ANK1: variants seen among roughly 807,000 people sequenced by gnomAD.
ANK1 encodes the protein ankyrin-1.
Under a neutral mutation model 210.4 loss-of-function variants are expected in ANK1, and 51 were observed. The observed-to-expected ratio is 0.24, with a 90% CI of 0.19 to 0.31. The LOEUF (loss-of-function observed/expected upper bound fraction) is 0.31, where lower values mean the gene tolerates loss of function less well. Among genes scored for constraint, ANK1 ranks in the 10% least tolerant of loss-of-function variants. ANK1 has a pLI of 1.00. For synonymous variants in ANK1, 967 were observed against 1,025.9 expected (o/e 0.94, Z 1.10); for missense variants, 2,051 against 2,504.4 (o/e 0.82, Z 3.86).
chr8:41,802,455 T>C (rs2150777169), upstream of ANK1, among the ~76,000 whole-genome samples: 1 of 152,270 alleles, frequency 6.6e-6, no homozygotes, highest in Middle Eastern at 3.4e-3. Flanking sequence ...GTTTATTAAG[T>C]CTCCACATGC....
intron 2 of ANK1, among the ~76,000 whole-genome samples, chr8:41,751,720 C>T (rs986762133): frequency 1.3e-5 from 2 of 152,146 alleles, no homozygotes; most frequent in African/African-American, 2.4e-5. Flanking sequence ...TCCCACCTGG[C>T]CCCCGCACCA....
intron 1 of ANK1, among the ~76,000 whole-genome samples, chr8:41,825,816 C>T (rs1163729883): frequency 6.6e-6 from 1 of 152,126 alleles, no homozygotes; most frequent in Non-Finnish European, 1.5e-5. Flanking sequence ...TCTGATGGTT[C>T]TATAAAGGGG....
At chr8:41,769,416 A>T (rs1384401298) in intron 1 of ANK1, among the ~76,000 whole-genome samples, 1 of 152,236 alleles carries the variant, frequency 6.6e-6, no homozygotes, top group African/African-American at 2.4e-5. Flanking sequence ...TCCAATTAAT[A>T]AATGATGGTT....
chr8:41,816,866 G>C (rs2150786676), intron 1 of ANK1, among the ~76,000 whole-genome samples: 1 of 152,326 alleles, frequency 6.6e-6, no homozygotes, highest in Non-Finnish European at 1.5e-5. Context: ...CTTATCCAGA[G>C]ATAGAAAATA....
At chr8:41,761,390 T>TATGTTCACACACAC (rs1840420642) in intron 1 of ANK1, among the ~76,000 whole-genome samples, 1 of 138,480 alleles carries the variant, frequency 7.2e-6, no homozygotes, top group Admixed American at 7.4e-5. Context: ...CACACACACA[T>TATGTTCACACACAC]GTTCACACAC....
chr8:41,671,160 C>T (rs569982263), intron 38 of ANK1, among the ~76,000 whole-genome samples: 4 of 152,300 alleles, frequency 2.6e-5, no homozygotes, highest in Admixed American at 1.3e-4. Flanking sequence ...TTTTCTGCTG[C>T]GGCACAGGGC....
At chr8:41,725,272 C>T (rs1226424771) in intron 6 of ANK1, among the ~76,000 whole-genome samples, 1 of 152,218 alleles carries the variant, frequency 6.6e-6, no homozygotes, top group Non-Finnish European at 1.5e-5. Flanking sequence ...AAATCCATTT[C>T]CACTAAAAGA....
At chr8:41,660,126 T>TG (rs1198354847) in intron 42 of ANK1, among the ~76,000 whole-genome samples, 1 of 152,072 alleles carries the variant, frequency 6.6e-6, no homozygotes, top group African/African-American at 2.4e-5. Flanking sequence ...AGCAGCCTAG[T>TG]GGGACCCCTG....
At chr8:41,872,198 G>A (rs1472775395) in intron 1 of ANK1, among the ~76,000 whole-genome samples, 8 of 152,182 alleles carry the variant, frequency 5.3e-5, no homozygotes, top group Admixed American at 3.3e-4. Context: ...GAGAGGAGCC[G>A]ACCCCCTGTA....
intron 1 of ANK1, among the ~76,000 whole-genome samples, chr8:41,803,009 G>GAAAGAA (rs1850208739): frequency 1.2e-5 from 1 of 82,888 alleles, no homozygotes; most frequent in Admixed American, 1.3e-4. Flanking sequence ...AAGAAAGAAA[G>GAAAGAA]AAAGAAAGAA....
intron 1 of ANK1, among the ~76,000 whole-genome samples, chr8:41,873,274 G>A (rs1288665071): frequency 6.6e-6 from 1 of 152,188 alleles, no homozygotes; most frequent in Non-Finnish European, 1.5e-5. Context: ...CCATAAGAAT[G>A]GTTTTGAAGT....
chr8:41,863,922 T>C (rs1813778269), intron 1 of ANK1, among the ~76,000 whole-genome samples: 1 of 152,208 alleles, frequency 6.6e-6, no homozygotes. Flanking sequence ...TGAATGAGGC[T>C]GCTGCACGTT....
At position 41,663,761 on chromosome 8, in the gene ANK1, A is replaced by C. The variant is rs200151645; in HGVS notation, c.5395-19T>G. On this transcript the variant is annotated intron_variant, in intron 39 of 42. Coordinates refer to ENST00000289734, the MANE Select transcript of ANK1 (RefSeq NM_000037.4). Reference sequence around the variant, plus strand: ...CATTCCCCTGGAATTAGAGAAAGGGAGAAAATGCAAGATTGGTGAGTGGGA... The same window carrying C: ...CATTCCCCTGGAATTAGAGAAAGGGCGAAAATGCAAGATTGGTGAGTGGGA... The C allele has an allele frequency of 6.3e-7, 1 of 1,590,354 alleles. No homozygotes were observed. Among genetic ancestry groups the C allele is most frequent in the East Asian group, 2.2e-5 (1 of 44,760 alleles).
At chr8:41,845,536 T>A (rs535859619) in intron 1 of ANK1, among the ~76,000 whole-genome samples, 1 of 152,060 alleles carries the variant, frequency 6.6e-6, no homozygotes, top group African/African-American at 2.4e-5. Flanking sequence ...GGACTGACCA[T>A]GGTGTGGTGC....
intron 2 of ANK1, among the ~76,000 whole-genome samples, chr8:41,753,816 C>G (rs1414492268): frequency 6.6e-6 from 1 of 152,078 alleles, no homozygotes; most frequent in Non-Finnish European, 1.5e-5. Flanking sequence ...CTCCACCTTG[C>G]CTGGCTTCTC....
intron 1 of ANK1, among the ~76,000 whole-genome samples, chr8:41,788,417 C>T (rs1209383549): frequency 6.6e-6 from 1 of 152,118 alleles, no homozygotes. Context: ...GTTTCCAAAC[C>T]TGCTATCCTC....
Position 41,797,302 on chromosome 8 carries a change from T to C in ANK1, c.27+210A>G, listed in dbSNP as rs1024214282. On this transcript the variant is annotated intron_variant, in intron 1 of 42. Transcript: ENST00000289734. This position sits in a 1 kb window ranked among gnomAD's most constrained non-coding sequence, Gnocchi z 4.0. ...AGCAAATCTCTGGATGTAAAAAATA[T>C]GAAACTGGCTTCAGCGAGTAGGGCA... Among the ~76,000 whole-genome samples the C allele has an allele frequency of 6.6e-6, 1 of 152,222 alleles. No individual in the cohort carries two copies. Among genetic ancestry groups the C allele is most frequent in the Non-Finnish European group, 1.5e-5 (1 of 68,028 alleles).
chr8:41,779,205 A>G (rs2150744585), intron 1 of ANK1, among the ~76,000 whole-genome samples: 1 of 152,216 alleles, frequency 6.6e-6, no homozygotes, highest in Non-Finnish European at 1.5e-5. Flanking sequence ...TCCCTGAGAC[A>G]TGCCCCTTGC....
chr8:41,663,710 C>G lies in ANK1; in HGVS notation c.5427G>C (p.Gln1809His), dbSNP rs747582386. ...GNEFQNIPGE[Q>H]VTEEQFTDEQ... ...CATCCGTGAATTGCTCCTCTGTCAC[C>G]TGCTCCCCTGGAATATTCTGAAACT... The change falls in exon 40 of 43, where the codon CAG becomes CAC. Residue 1809 changes from glutamine (Q) to histidine (H), a missense_variant. Gln to His is a conservative substitution (Grantham distance 24, BLOSUM62 0). Around this residue, in one of 6 missense-constraint regions of ANK1, gnomAD observed 496 missense variants for 533.4 expected, o/e 0.93. Coordinates refer to ENST00000289734, the MANE Select transcript of ANK1 (RefSeq NM_000037.4). The G allele has an allele frequency of 1.4e-5, 23 of 1,614,042 alleles. No homozygotes were observed. The highest frequency in any genetic ancestry group is 3.3e-5 in the Admixed American group (2 of 60,014).
Sources: allele counts gnomAD v4.1 joint callset (sites outside exome capture counted in the v4.1 genomes callset), GRCh38; gene constraint gnomAD v4.1.1; regional missense constraint gnomAD v4.1.1; non-coding constraint Gnocchi (gnomAD v3.1); transcripts MANE v1.5; gene names NCBI Gene and HGNC (gene_info 2026-07-23, HGNC 2026-07-21).